The following RARB variants were observed in gnomAD, a reference collection of about 807,000 sequenced individuals.
RARB encodes the protein HBV-activated protein.
A neutral mutation model predicts 51.9 loss-of-function variants in RARB; 17 were observed. The ratio of observed to expected loss-of-function variants is 0.33; its 90% CI spans 0.22 to 0.49. RARB has a LOEUF of 0.49. RARB is among the 20% of genes least tolerant of loss of function. The pLI is 0.99. For synonymous variants in RARB, 215 were observed against 195.4 expected (o/e 1.10, Z -0.84); for missense variants, 369 against 550.8 (o/e 0.67, Z 3.30).
intron 5 of RARB, among the ~76,000 whole-genome samples, chr3:25,352,832 A>T (rs972142757): frequency 6.6e-6 from 1 of 152,170 alleles, no homozygotes; most frequent in African/African-American, 2.4e-5. Flanking sequence ...AGAACACTGA[A>T]CTGAGAGCTG....
chr3:25,594,453 G>C, intron 6 of RARB, 67 bp from the exon 7 acceptor site: 1 of 1,463,608 alleles, frequency 6.8e-7, no homozygotes, highest in East Asian at 2.3e-5. Context: ...TAGGAATAAG[G>C]AAACAAGGAA....
chr3:25,596,522 C>T lies in RARB; in HGVS notation c.1253C>T (p.Pro418Leu), dbSNP rs1241939996. 6.2e-7 allele frequency: 1 copy of T among 1,613,288 alleles called. No homozygotes were observed. Among genetic ancestry groups the T allele is most frequent in the Non-Finnish European group, 8.5e-7 (1 of 1,179,400 alleles). Residue 418 changes from proline (P) to leucine (L), a missense_variant, in exon 8 of 8, where the codon CCA becomes CTA. This residue lies in a region of RARB where 54 missense variants were observed against 43.4 expected (regional missense o/e 1.24). Transcript: ENST00000330688. ...ENSEGHEPLT[P>L]SSSGNTAEHS... Reference sequence around the variant, plus strand: ...TCTGAAGGACATGAACCCTTGACCCCAAGTTCAAGTGGGAACACAGCAGAG... The same window carrying T: ...TCTGAAGGACATGAACCCTTGACCCTAAGTTCAAGTGGGAACACAGCAGAG...
chr3:25,051,550 T>C (rs1036404772), intron 2 of RARB, among the ~76,000 whole-genome samples: 1 of 151,688 alleles, frequency 6.6e-6, no homozygotes, highest in African/African-American at 2.4e-5. Context: ...AAAAGTTTTA[T>C]TGTTAATAGA....
At chr3:25,068,814 G>T (rs926204661) in intron 3 of RARB, among the ~76,000 whole-genome samples, 3 of 152,110 alleles carry the variant, frequency 2.0e-5, no homozygotes, top group African/African-American at 7.2e-5. Context: ...ATGCTCAGGG[G>T]AAGAGCGGCT....
chr3:25,239,346 C>T (rs1283400262), intron 5 of RARB, among the ~76,000 whole-genome samples: 1 of 152,022 alleles, frequency 6.6e-6, no homozygotes, highest in Non-Finnish European at 1.5e-5. Flanking sequence ...TTGGCTGTGC[C>T]TTTGAGATCT....
At chr3:25,129,452 C>G (rs1699911225) in intron 3 of RARB, among the ~76,000 whole-genome samples, 1 of 151,984 alleles carries the variant, frequency 6.6e-6, no homozygotes, top group African/African-American at 2.4e-5. Context: ...TATGTAGGTT[C>G]AATTTGTATT....
intron 1 of RARB, among the ~76,000 whole-genome samples, chr3:24,839,727 G>C (rs1471898737): frequency 8.5e-6 from 1 of 117,770 alleles, no homozygotes; most frequent in African/African-American, 3.0e-5. Context: ...AAAGGGGGGG[G>C]GGGTGGGGGA....
intron 3 of RARB, among the ~76,000 whole-genome samples, chr3:25,097,456 A>G (rs1462029493): frequency 6.6e-6 from 1 of 152,202 alleles, no homozygotes; most frequent in Non-Finnish European, 1.5e-5. Context: ...AGATATTTTC[A>G]TATAGAATGT....
chr3:25,535,087 G>C (rs1699084375), intron 3 of RARB, among the ~76,000 whole-genome samples: 2 of 152,196 alleles, frequency 1.3e-5, no homozygotes, highest in Non-Finnish European at 2.9e-5. Flanking sequence ...GCCCAGTGAA[G>C]GAAAAGCAGC....
intron 3 of RARB, among the ~76,000 whole-genome samples, chr3:25,508,551 G>A (rs551734775): frequency 6.6e-6 from 1 of 152,310 alleles, no homozygotes; most frequent in South Asian, 2.1e-4. Context: ...AGGTTGCACT[G>A]TGTAGTTGGG....
chr3:25,346,713 G>T (rs954700235), intron 5 of RARB, among the ~76,000 whole-genome samples: 3 of 152,186 alleles, frequency 2.0e-5, no homozygotes, highest in African/African-American at 7.2e-5. Context: ...ATAGCTGTTT[G>T]GACAAGGCTG....
chr3:25,142,700 T>G (rs983699774), intron 4 of RARB, among the ~76,000 whole-genome samples: 3 of 152,120 alleles, frequency 2.0e-5, no homozygotes, highest in African/African-American at 4.8e-5. Context: ...AGATGATATT[T>G]CTACCTTTTG....
intron 2 of RARB, among the ~76,000 whole-genome samples, chr3:25,018,946 A>G (rs1697572347): frequency 6.6e-6 from 1 of 152,200 alleles, no homozygotes; most frequent in Non-Finnish European, 1.5e-5. Context: ...TTATGCTACT[A>G]ACCCAAAACC....
At chr3:25,168,515 C>T (rs1360738393) in intron 4 of RARB, among the ~76,000 whole-genome samples, 2 of 152,094 alleles carry the variant, frequency 1.3e-5, no homozygotes, top group Non-Finnish European at 2.9e-5. Flanking sequence ...CATAAGAAAT[C>T]ACACCCCACC....
intron 2 of RARB, among the ~76,000 whole-genome samples, chr3:25,009,900 G>A (rs977112347): frequency 1.3e-5 from 2 of 152,076 alleles, no homozygotes; most frequent in African/African-American, 4.8e-5. Flanking sequence ...AACTGAACCC[G>A]ATTTGAACCT....
intron 5 of RARB, among the ~76,000 whole-genome samples, chr3:25,298,993 C>T (rs1009711248): frequency 6.6e-6 from 1 of 152,188 alleles, no homozygotes; most frequent in African/African-American, 2.4e-5. Flanking sequence ...TCACTGTTCA[C>T]ATCACAGATA....
At chr3:25,559,739 C>G (rs571417417) in intron 3 of RARB, among the ~76,000 whole-genome samples, 2 of 151,364 alleles carry the variant, frequency 1.3e-5, no homozygotes, top group South Asian at 4.2e-4. Flanking sequence ...GATAGATAGA[C>G]AGACAGACAA....
At chr3:25,111,144 T>C (rs1284015593) in intron 3 of RARB, among the ~76,000 whole-genome samples, 4 of 152,210 alleles carry the variant, frequency 2.6e-5, no homozygotes, top group Non-Finnish European at 5.9e-5. Flanking sequence ...AAATCCATCT[T>C]GTTTTTTCAG....
intron 5 of RARB, among the ~76,000 whole-genome samples, chr3:25,317,100 A>T (rs1159495222): frequency 1.3e-5 from 2 of 152,138 alleles, no homozygotes; most frequent in Non-Finnish European, 2.9e-5. Context: ...AGAATACAAC[A>T]TTTTTGCATA....
Sources: gnomAD v4.1 joint callset for allele counts (sites outside exome capture counted in the v4.1 genomes callset) on GRCh38, gnomAD v4.1.1 for gene constraint, gnomAD v4.1.1 regional missense constraint, MANE v1.5 for transcripts, NCBI Gene and HGNC (gene_info 2026-07-23, HGNC 2026-07-21) for gene names.